The following DAB1 variants were observed in gnomAD, a reference collection of about 807,000 sequenced individuals.
DAB1 encodes the protein DAB adaptor protein 1.
Under a neutral mutation model 64.6 loss-of-function variants are expected in DAB1, and 15 were observed. The ratio of observed to expected loss-of-function variants is 0.23; its 90% CI spans 0.16 to 0.36. DAB1 has a LOEUF of 0.36. Ranked by LOEUF, DAB1 falls within the 10% of genes least tolerant of loss-of-function variation. The pLI, the probability that DAB1 is intolerant of heterozygous loss-of-function variation, is 1.00. For missense variants in DAB1, 596 were observed against 706.7 expected (o/e 0.84, Z 1.78); for synonymous variants, 235 against 251.9 (o/e 0.93, Z 0.64).
In DAB1 at chr1:57,071,081, G is replaced by A. The variant is rs757380881; in HGVS notation, c.559-20C>T. ...TATTGTCTATTGCAGAGTAAGGAGA[G>A]GGAGGGTGAAAAGCAGAGGACATAA... On this transcript the variant is annotated intron_variant, in intron 6 of 14. Transcript: ENST00000371236. 6.2e-7 allele frequency: 1 copy of A among 1,609,208 alleles called. No individual in the cohort carries two copies.
chr1:57,221,738 A>C (rs897267985), intron 2 of DAB1, among the ~76,000 whole-genome samples: 13 of 152,056 alleles, frequency 8.5e-5, no homozygotes, highest in African/African-American at 2.9e-4. Context: ...TTTGTGGTTC[A>C]TTTTCTCAGA....
intron 2 of DAB1, among the ~76,000 whole-genome samples, chr1:57,210,156 C>T (rs1464549941): frequency 6.6e-6 from 1 of 152,146 alleles, no homozygotes; most frequent in Non-Finnish European, 1.5e-5. Context: ...ATGTTAGCTG[C>T]TCTCATTAAC....
At chr1:58,510,075 C>T (rs998568359) in intron 2 of DAB1, among the ~76,000 whole-genome samples, 1 of 152,074 alleles carries the variant, frequency 6.6e-6, no homozygotes, top group African/African-American at 2.4e-5. Context: ...GAATTAATGT[C>T]AATGACTCTC....
intron 2 of DAB1, among the ~76,000 whole-genome samples, chr1:57,168,672 C>G (rs1661434733): frequency 6.6e-6 from 1 of 152,128 alleles, no homozygotes; most frequent in Admixed American, 6.5e-5. Context: ...TGCGATTTTT[C>G]CCTTGATCTC....
At chr1:57,715,327 G>T (rs1647071853) in intron 6 of DAB1, among the ~76,000 whole-genome samples, 1 of 152,140 alleles carries the variant, frequency 6.6e-6, no homozygotes, top group African/African-American at 2.4e-5. Context: ...ACATCATAAT[G>T]AACAGGGAAA....
intron 7 of DAB1, among the ~76,000 whole-genome samples, chr1:57,475,690 G>T (rs988690772): frequency 1.3e-5 from 2 of 152,160 alleles, no homozygotes; most frequent in African/African-American, 4.8e-5. Context: ...TTGAGCCCAG[G>T]ACTGACTGGC....
intron 4 of DAB1, among the ~76,000 whole-genome samples, chr1:58,213,478 C>T (rs1055846665): frequency 6.6e-5 from 10 of 152,216 alleles, no homozygotes; most frequent in Admixed American, 5.9e-4. Context: ...CATCCTTCTT[C>T]ATATGGTGGC....
At position 58,397,891 on chromosome 1, in the gene DAB1, A is replaced by C. The variant is rs184015862; in HGVS notation, n.258-54488T>G. ...ACTGCATTGTTAAGGTAATTAAATG[A>C]GTTACTATTTGCAAAGCACTTGGAA... On this transcript the variant is annotated intron_variant and non_coding_transcript_variant, in intron 3 of 20. Transcript: ENST00000485760. 3.9e-5 allele frequency among the ~76,000 whole-genome samples: 6 copies of C among 152,304 alleles called. No individual in the cohort carries two copies. The East Asian group carries it at 9.7e-4, about 25-fold the overall frequency.
chr1:57,514,700 T>G (rs1268580425), intron 7 of DAB1, among the ~76,000 whole-genome samples: 1 of 152,178 alleles, frequency 6.6e-6, no homozygotes, highest in Non-Finnish European at 1.5e-5. Flanking sequence ...ACAAAAGTCA[T>G]GTCAAAGTGC....
chr1:58,466,789 G>A (rs1645300888), intron 3 of DAB1, among the ~76,000 whole-genome samples: 1 of 152,144 alleles, frequency 6.6e-6, no homozygotes, highest in Non-Finnish European at 1.5e-5. Context: ...CGGTTGAACA[G>A]CGCCTGTCCC....
chr1:58,273,955 A>G (rs1332412639), intron 4 of DAB1, among the ~76,000 whole-genome samples: 23 of 92,460 alleles, frequency 2.5e-4, no homozygotes, highest in South Asian at 1.7e-3. Flanking sequence ...TTTGGTTTGA[A>G]TGTCCTCCCA....
chr1:57,427,099 A>G (rs1161150379), upstream of DAB1, among the ~76,000 whole-genome samples: 15 of 151,946 alleles, frequency 9.9e-5, no homozygotes, highest in Non-Finnish European at 1.9e-4. Flanking sequence ...TCCTGACCTC[A>G]TGATCCACCC....
At chr1:57,425,293 C>T (rs1360602214), upstream of DAB1, among the ~76,000 whole-genome samples, 1 of 152,186 alleles carries the variant, frequency 6.6e-6, no homozygotes, top group Non-Finnish European at 1.5e-5. Context: ...GGGCTACACT[C>T]CTGTCTTCCA....
At chr1:57,665,360 A>G (rs1646434282) in intron 6 of DAB1, among the ~76,000 whole-genome samples, 1 of 152,144 alleles carries the variant, frequency 6.6e-6, no homozygotes, top group Non-Finnish European at 1.5e-5. Context: ...TAGTGCTAGT[A>G]GGGAGATAAG....
intron 4 of DAB1, among the ~76,000 whole-genome samples, chr1:57,134,142 A>G (rs1454664716): frequency 2.0e-5 from 3 of 152,160 alleles, no homozygotes; most frequent in East Asian, 3.9e-4. Flanking sequence ...CTCACACAGA[A>G]GGCAGTCCAT....
At chr1:57,406,332 C>T (rs269043) in intron 1 of DAB1, among the ~76,000 whole-genome samples, 5,626 of 152,282 alleles carry the variant, frequency 0.037, 321 homozygotes, top group African/African-American at 0.12. Context: ...ATCCCTATAT[C>T]TTATTTTTTA....
At chr1:57,646,975 T>C (rs1646199225) in intron 7 of DAB1, among the ~76,000 whole-genome samples, 1 of 152,186 alleles carries the variant, frequency 6.6e-6, no homozygotes, top group East Asian at 1.9e-4. Flanking sequence ...TCTGGGCTTA[T>C]TTCTGTCTGC....
chr1:57,569,525 C>T (rs1645167300), intron 7 of DAB1, among the ~76,000 whole-genome samples: 1 of 150,268 alleles, frequency 6.7e-6, no homozygotes, highest in Non-Finnish European at 1.5e-5. Context: ...CATGTTCTCA[C>T]TTAAAGGTGG....
intron 3 of DAB1, among the ~76,000 whole-genome samples, chr1:58,412,067 G>T (rs1644677442): frequency 6.6e-6 from 1 of 152,094 alleles, no homozygotes. Flanking sequence ...ATGGGTTCAG[G>T]GATGGGCACA....
Sources: allele counts gnomAD v4.1 joint callset (sites outside exome capture counted in the v4.1 genomes callset), GRCh38; gene constraint gnomAD v4.1.1; transcripts MANE v1.5; gene names NCBI Gene and HGNC (gene_info 2026-07-23, HGNC 2026-07-21).